Variants in PALLD observed in about 807,000 individuals in gnomAD.
The protein encoded by PALLD is palladin.
PALLD carries 61 observed loss-of-function variants against 123.5 expected under a neutral mutation model. The observed-to-expected ratio is 0.49, with a 90% CI of 0.40 to 0.61. The LOEUF is 0.61. Among genes scored for constraint, PALLD ranks in the 20% least tolerant of loss-of-function variants. The pLI, the probability that PALLD is intolerant of heterozygous loss-of-function variation, is 0.00. For synonymous variants in PALLD, 465 were observed against 496.4 expected, an observed-to-expected ratio of 0.94 and a Z score of 0.84; for missense variants, 1,273 against 1,377.0, an observed-to-expected ratio of 0.92 and a Z score of 1.20.
At chr4:168,810,091 G>T (rs995859318) in intron 10 of PALLD, among the ~76,000 whole-genome samples, 27 of 151,868 alleles carry the variant, frequency 1.8e-4, no homozygotes, top group African/African-American at 6.5e-4. Context: ...TGTCTCGGTG[G>T]CTGCTGAGGA....
At chr4:168,521,175 A>G (rs149559239) in intron 2 of PALLD, among the ~76,000 whole-genome samples, 2 of 151,832 alleles carry the variant, frequency 1.3e-5, no homozygotes, top group African/African-American at 4.9e-5. Flanking sequence ...AGATGGCAAA[A>G]AAAACAAAAA....
At chr4:168,681,512 A>T in intron 4 of PALLD, 114 bp downstream of exon 4, 4 of 723,078 alleles carry the variant, frequency 5.5e-6, no homozygotes, top group Non-Finnish European at 1.0e-5. Context: ...GATGTTAATC[A>T]GAGATCAAAT....
chr4:168,916,544 A>C (rs1424990845), intron 17 of PALLD, among the ~76,000 whole-genome samples: 2 of 152,206 alleles, frequency 1.3e-5, no homozygotes, highest in African/African-American at 4.8e-5. Flanking sequence ...ATTACTCTAG[A>C]AAGTCATCAG....
chr4:168,739,642 C>T (rs1173507216), intron 10 of PALLD, among the ~76,000 whole-genome samples: 1 of 152,184 alleles, frequency 6.6e-6, no homozygotes, highest in Non-Finnish European at 1.5e-5. Context: ...GATCCTTACA[C>T]ATTCTATGCA....
chr4:168,680,775 T>C (rs1285493243), intron 3 of PALLD, among the ~76,000 whole-genome samples: 3 of 152,236 alleles, frequency 2.0e-5, no homozygotes, highest in East Asian at 1.9e-4. Flanking sequence ...CATCAAAATC[T>C]GACTGCAGTT....
intron 2 of PALLD, among the ~76,000 whole-genome samples, chr4:168,540,238 C>G (rs1272371814): frequency 6.6e-6 from 1 of 152,294 alleles, no homozygotes; most frequent in African/African-American, 2.4e-5. Context: ...TAGGCGACTA[C>G]TATCAGATTC....
chr4:168,700,902 C>T (rs1366240488), intron 8 of PALLD: 1 of 152,018 alleles, frequency 6.6e-6, no homozygotes, highest in African/African-American at 2.4e-5. Context: ...CAAAATTGCA[C>T]CAGCTTTATT....
intron 2 of PALLD, among the ~76,000 whole-genome samples, chr4:168,621,849 G>A (rs964093962): frequency 6.6e-6 from 1 of 152,130 alleles, no homozygotes; most frequent in East Asian, 1.9e-4. Flanking sequence ...CTGAATTTAT[G>A]TAGGGATATG....
chr4:168,887,232 A>G lies in PALLD; in HGVS notation c.1965-3690A>G, dbSNP rs547095332. 1.4e-3 allele frequency among the ~76,000 whole-genome samples: 207 copies of G among 152,330 alleles called. 1 individual carries two copies. The highest frequency in any genetic ancestry group is 2.3e-3 in the Non-Finnish European group (158 of 68,008). ...AATTACCCTTGTGGCAGGGACACAAACCAAGGTGACAACTCTATGGAATGT... is the reference window on the plus strand; with the variant it reads ...AATTACCCTTGTGGCAGGGACACAAGCCAAGGTGACAACTCTATGGAATGT... On this transcript the variant is annotated intron_variant, in intron 10 of 21. Transcript: ENST00000505667.
At chr4:168,913,168 G>C (rs1452924043) in intron 15 of PALLD, among the ~76,000 whole-genome samples, 1 of 141,660 alleles carries the variant, frequency 7.1e-6, no homozygotes, top group African/African-American at 2.6e-5. Context: ...ACAGAGTCTT[G>C]CTCTGTCACC....
chr4:168,919,864 T>G (rs1230196337), intron 17 of PALLD, among the ~76,000 whole-genome samples: 1 of 152,188 alleles, frequency 6.6e-6, no homozygotes, highest in African/African-American at 2.4e-5. Context: ...ATGCTGTCTT[T>G]ACTTAGCCAG....
chr4:168,754,775 G>C (rs1251951312), intron 10 of PALLD, among the ~76,000 whole-genome samples: 1 of 152,274 alleles, frequency 6.6e-6, no homozygotes, highest in Middle Eastern at 3.4e-3. Context: ...AGTGTGCATT[G>C]CTTAGTGCTC....
chr4:168,649,387 G>T (rs1436767789), intron 2 of PALLD, among the ~76,000 whole-genome samples: 2 of 152,048 alleles, frequency 1.3e-5, no homozygotes, highest in African/African-American at 2.4e-5. Flanking sequence ...AGCCCCCAAT[G>T]GCCCTCATAA....
chr4:168,898,798 A>C (rs1009959596), intron 14 of PALLD, 84 bp downstream of exon 14: 1 of 859,706 alleles, frequency 1.2e-6, no homozygotes, highest in Admixed American at 1.8e-5. Context: ...AGTAGGAGAA[A>C]GAGATACAAA....
At chr4:168,792,551 G>A (rs1208126665) in intron 10 of PALLD, among the ~76,000 whole-genome samples, 1 of 151,600 alleles carries the variant, frequency 6.6e-6, no homozygotes. Flanking sequence ...GCTTTCCTTC[G>A]TTCCTCAACT....
intron 2 of PALLD, among the ~76,000 whole-genome samples, chr4:168,645,599 G>A (rs1424460299): frequency 6.6e-6 from 1 of 152,168 alleles, no homozygotes; most frequent in African/African-American, 2.4e-5. Context: ...AAATGGGTTA[G>A]TACTTCTCTC....
intron 2 of PALLD, among the ~76,000 whole-genome samples, chr4:168,647,729 G>A (rs1376591062): frequency 3.3e-5 from 5 of 149,424 alleles, no homozygotes; most frequent in African/African-American, 9.9e-5. Context: ...AGCAGTGAGC[G>A]GAGATTGTGC....
At chr4:168,641,503 A>C (rs1229968977) in intron 2 of PALLD, among the ~76,000 whole-genome samples, 1 of 152,112 alleles carries the variant, frequency 6.6e-6, no homozygotes, top group Non-Finnish European at 1.5e-5. Flanking sequence ...CCTAAGACCC[A>C]GGACTGTGGT....
chr4:168,628,321 G>C (rs1207430532), intron 2 of PALLD, among the ~76,000 whole-genome samples: 1 of 152,176 alleles, frequency 6.6e-6, no homozygotes, highest in Non-Finnish European at 1.5e-5. Context: ...AAGTCTCATC[G>C]TGTCCGTCCT....
Sources: gnomAD v4.1 joint callset for allele counts (sites outside exome capture counted in the v4.1 genomes callset) on GRCh38, gnomAD v4.1.1 for gene constraint, MANE v1.5 for transcripts, NCBI Gene and HGNC (gene_info 2026-07-23, HGNC 2026-07-21) for gene names.